Variants in DEFB121 observed in about 807,000 individuals in gnomAD.
DEFB121 encodes the protein defensin beta 121.
In DEFB121, 5 loss-of-function variants were observed where a neutral mutation model predicts 2.5. The observed-to-expected ratio is 1.96, with a 90% CI of 1.03 to 4.13. The LOEUF is 4.13. DEFB121 is among the 30% of genes most tolerant of loss of function. The pLI is 0.00. For missense variants in DEFB121, 87 were observed against 85.0 expected, an observed-to-expected ratio of 1.02 and a Z score of -0.09; for synonymous variants, 39 against 32.6, an observed-to-expected ratio of 1.20 and a Z score of -0.67.
Position 31,406,018 on chromosome 20 carries a change from C to G in DEFB121, c.58+77G>C, listed in dbSNP as rs781668247. 6.5e-6 allele frequency: 10 copies of G among 1,538,096 alleles called. No homozygotes were observed. In the South Asian group the frequency reaches 1.1e-4, roughly 18 times the overall value. ...CTACCAGGCCATTCTCCCAGCCCAA[C>G]CTGTCAGAGTCCCCAGAGTTCTCTG... is the stretch of plus-strand genomic sequence containing the variant. On this transcript the variant is annotated intron_variant, in intron 1 of 1. Transcript: ENST00000376314.
In DEFB121 at chr20:31,405,119, G is replaced by A. The variant is rs111346942; in HGVS notation, c.59-34C>T. The A allele has an allele frequency of 1.3e-5, 20 of 1,570,072 alleles. No homozygotes were observed. In the African/African-American group the frequency reaches 1.4e-4, roughly 11 times the overall value. ...AAAAGGGAAGAAGAGAATAGAGTCA[G>A]TTTTGAAAGAAAGCAGAAAGGTGTG... is the stretch of plus-strand genomic sequence containing the variant. On this transcript the variant is annotated intron_variant, in intron 1 of 1. Coordinates refer to ENST00000376314, the MANE Select transcript of DEFB121 (RefSeq NM_001011878.3).
At chr20:31,406,973 CT>C (rs1259137522), upstream of DEFB121, among the ~76,000 whole-genome samples, 1 of 152,040 alleles carries the variant, frequency 6.6e-6, no homozygotes, top group Non-Finnish European at 1.5e-5. Context: ...CTTGGTCTTT[CT>C]TATAAGAAAT....
chr20:31,407,075 G>A (rs766797335), upstream of DEFB121, among the ~76,000 whole-genome samples: 5 of 151,870 alleles, frequency 3.3e-5, no homozygotes, highest in African/African-American at 4.8e-5. Context: ...GTGAAACCCC[G>A]TCTCTACAAA....
chr20:31,410,753 C>T (rs1272199731), upstream of DEFB121, among the ~76,000 whole-genome samples: 4 of 151,434 alleles, frequency 2.6e-5, no homozygotes, highest in African/African-American at 9.7e-5. Context: ...GGCACAACTT[C>T]CTCCACTCTT....
chr20:31,415,594 G>A (rs779529835), upstream of DEFB121, among the ~76,000 whole-genome samples: 1 of 151,956 alleles, frequency 6.6e-6, no homozygotes, highest in African/African-American at 2.4e-5. Context: ...CAGTGGTCAG[G>A]CAGAATGTCC....
chr20:31,415,096 A>G (rs1211158507), upstream of DEFB121, among the ~76,000 whole-genome samples: 2 of 152,234 alleles, frequency 1.3e-5, no homozygotes, highest in Admixed American at 6.5e-5. Context: ...TTAAAGTTTT[A>G]GAAATCTGCT....
chr20:31,410,729 C>T (rs573224817), upstream of DEFB121, among the ~76,000 whole-genome samples: 1 of 151,776 alleles, frequency 6.6e-6, no homozygotes, highest in South Asian at 2.1e-4. Context: ...ACCTGAGATG[C>T]CATTCAAGCA....
At chr20:31,418,498 T>C in the DEFB121 span, among the ~76,000 whole-genome samples, 6 of 152,150 alleles carry the variant, frequency 3.9e-5, no homozygotes, top group Non-Finnish European at 7.3e-5. Context: ...AATCACCTTT[T>C]CATAAGACTC....
upstream of DEFB121, among the ~76,000 whole-genome samples, chr20:31,409,955 G>A (rs1203220844): frequency 2.0e-5 from 3 of 151,732 alleles, no homozygotes; most frequent in Non-Finnish European, 4.4e-5. Context: ...GGGGCATGAG[G>A]GAACTTTCAG....
chr20:31,418,259 C>CAAAAAAAAAAAACAAAAAAAAAAAAAA, the DEFB121 span, among the ~76,000 whole-genome samples: 1 of 82,922 alleles, frequency 1.2e-5, no homozygotes, highest in African/African-American at 3.5e-5. Flanking sequence ...GACTCCGTCT[C>CAAAAAAAAAAAACAAAAAAAAAAAAAA]AAAAAAAAAA....
upstream of DEFB121, chr20:31,406,358 A>G: frequency 8.9e-7 from 1 of 1,129,214 alleles, no homozygotes; most frequent in Non-Finnish European, 1.1e-6. Flanking sequence ...AGGCTGGGAG[A>G]GGGGGAAGGG....
chr20:31,407,531 T>C (rs536034066), upstream of DEFB121, among the ~76,000 whole-genome samples: 1 of 152,284 alleles, frequency 6.6e-6, no homozygotes, highest in South Asian at 2.1e-4. Context: ...CCAAGGAGGA[T>C]GAGAGATACG....
chr20:31,410,673 A>G (rs1445405327), upstream of DEFB121, among the ~76,000 whole-genome samples: 5 of 152,150 alleles, frequency 3.3e-5, no homozygotes, highest in Admixed American at 6.6e-5. Flanking sequence ...AGCCCCGTGG[A>G]CTGGAACCCA....
At chr20:31,417,964 GA>G in the DEFB121 span, among the ~76,000 whole-genome samples, 1 of 144,868 alleles carries the variant, frequency 6.9e-6, no homozygotes, top group Non-Finnish European at 1.5e-5. Context: ...ACTCCATTTC[GA>G]AAAAAGGGAA....
upstream of DEFB121, among the ~76,000 whole-genome samples, chr20:31,414,553 G>A (rs139611968): frequency 1.4e-3 from 218 of 152,314 alleles, 1 homozygote; most frequent in Non-Finnish European, 2.6e-3. Context: ...ATGTGATGAC[G>A]TGAATGAGCC....
rs1978433756 is a variant in DEFB121 at position 31,405,103 on chromosome 20, G to A, written c.59-18C>T. The A allele has an allele frequency of 5.0e-6, 8 of 1,587,654 alleles. No homozygotes were observed. In the East Asian group the frequency reaches 1.6e-4, roughly 31 times the overall value. Reference sequence around the variant, plus strand: ...TTTCATGACTGAAAACAAAAGGGAAGAAGAGAATAGAGTCAGTTTTGAAAG... The same window carrying A: ...TTTCATGACTGAAAACAAAAGGGAAAAAGAGAATAGAGTCAGTTTTGAAAG... On this transcript the variant is annotated intron_variant, in intron 1 of 1. Transcript: ENST00000376314.
In DEFB121 at chr20:31,406,207, G is replaced by A. The variant is rs1308139691; in HGVS notation, c.-55C>T. Reference sequence around the variant, plus strand: ...GGCTTCTCAACTGGTAAAACAGACAGAGGACTCCATTCTGGGCAGTCCAGA... The same window carrying A: ...GGCTTCTCAACTGGTAAAACAGACAAAGGACTCCATTCTGGGCAGTCCAGA... On this transcript the variant is annotated 5_prime_UTR_variant, in exon 1 of 2. Transcript: ENST00000376314. The A allele has an allele frequency of 1.2e-6, 2 of 1,611,018 alleles. No individual in the cohort carries two copies.
chr20:31,406,668 G>A (rs1302953919), upstream of DEFB121, among the ~76,000 whole-genome samples: 1 of 152,148 alleles, frequency 6.6e-6, no homozygotes, highest in African/African-American at 2.4e-5. Context: ...AAACCAGAAT[G>A]TCAGTATTCA....
At chr20:31,418,222 T>A in the DEFB121 span, among the ~76,000 whole-genome samples, 2 of 121,160 alleles carry the variant, frequency 1.7e-5, no homozygotes, top group African/African-American at 5.9e-5. Context: ...GTCCCGCCAC[T>A]GCACTCCAGC....
Sources: gnomAD v4.1 joint callset for allele counts (sites outside exome capture counted in the v4.1 genomes callset) on GRCh38, gnomAD v4.1.1 for gene constraint, MANE v1.5 for transcripts, NCBI Gene and HGNC (gene_info 2026-07-23, HGNC 2026-07-21) for gene names.